The following DCX variants were observed in gnomAD, a reference collection of about 807,000 sequenced individuals.
The protein encoded by DCX is neuronal migration protein doublecortin.
In DCX, 4 loss-of-function variants were observed where a neutral mutation model predicts 20.9. The observed-to-expected ratio is 0.19, with a 90% CI of 0.09 to 0.44. DCX has a LOEUF of 0.44. Among genes scored for constraint, DCX ranks in the 20% least tolerant of loss-of-function variants. The probability of loss-of-function intolerance (pLI) is 0.99; values close to 1 mark genes in which losing one functional copy is unlikely to be tolerated. For missense variants in DCX, 133 were observed against 296.9 expected (o/e 0.45, Z 4.06); for synonymous variants, 103 against 111.4 (o/e 0.92, Z 0.47).
At chrX:111,303,394 T>C (rs2095038386) in intron 6 of DCX, among the ~76,000 whole-genome samples, 1 of 110,123 alleles carries the variant, frequency 9.1e-6, no homozygotes, top group Admixed American at 9.8e-5. Context: ...CAGTAGAAGA[T>C]TGTTCAAGAA....
intron 3 of DCX, among the ~76,000 whole-genome samples, chrX:111,341,565 C>T (rs1922240832): frequency 9.0e-6 from 1 of 110,979 alleles, no homozygotes; most frequent in Admixed American, 9.6e-5. Context: ...CCCCAAGACA[C>T]ATAATCATCA....
At position 111,297,563 on chromosome X, in the gene DCX, C is replaced by CACAT. The variant is rs1447300243; in HGVS notation, c.*4120_*4123dup. 8.9e-6 allele frequency: 1 copy of CACAT among 111,782 alleles called. No individual in the cohort carries two copies. The highest frequency in any genetic ancestry group is 1.9e-5 in the Non-Finnish European group (1 of 53,165). The allele number at this position is 111,782 out of a possible 1,213,427, so 9.2% of individuals were successfully genotyped here. A position where few individuals can be genotyped will look rare whatever the true frequency, so the allele number is the denominator to read the frequency against. ...GTTCCTTGCCTTCTTCAAATAGCTA[C>CACAT]ACATCCACTTTCAGGTTCCTTGGTT... On this transcript the variant is annotated 3_prime_UTR_variant, in exon 7 of 7. Coordinates refer to ENST00000636035, the MANE Select transcript of DCX (RefSeq NM_001195553.2).
chrX:111,338,096 G>T lies in DCX; in HGVS notation c.706-4943C>A, dbSNP rs768343096. Among the ~76,000 whole-genome samples the T allele has an allele frequency of 2.7e-5, 3 of 112,162 alleles. No individual in the cohort carries two copies. The South Asian group carries it at 1.1e-3, about 43-fold the overall frequency. ...TGGCAGAGGTGATTGCAAAACAAAGGTAGGTACCTTTTTCTTAACAGCCCT... is the reference window on the plus strand; with the variant it reads ...TGGCAGAGGTGATTGCAAAACAAAGTTAGGTACCTTTTTCTTAACAGCCCT... On this transcript the variant is annotated intron_variant, in intron 3 of 6. Transcript: ENST00000636035.
Position 111,375,846 on chromosome X carries a change from G to A in DCX, c.705+25144C>T, listed in dbSNP as rs201193513. Among the ~76,000 whole-genome samples, 12 of 112,087 alleles carry A rather than the reference G, an allele frequency of 1.1e-4. No individual in the cohort carries two copies. The East Asian group carries it at 2.8e-3, about 26-fold the overall frequency. ...TTTTCTCCATTGGGAAATGAAATAA[G>A]CAAATGACAGACTACCACAACAATC... is the stretch of plus-strand genomic sequence containing the variant. On this transcript the variant is annotated intron_variant, in intron 3 of 6. Transcript: ENST00000636035.
chrX:111,329,983 A>G (rs1332514259), intron 5 of DCX, among the ~76,000 whole-genome samples: 1 of 112,274 alleles, frequency 8.9e-6, no homozygotes, highest in African/African-American at 3.2e-5. Flanking sequence ...AATTGTGCAT[A>G]AATCTAAGCT....
At position 111,294,887 on chromosome X, in the gene DCX, T is replaced by C. The variant is rs1456163256; in HGVS notation, c.*6800A>G. On this transcript the variant is annotated 3_prime_UTR_variant, in exon 7 of 7. Transcript: ENST00000636035. Reference sequence around the variant, plus strand: ...ACAGGTACTCAATTCTAACTACAGCTATAGGGCAGAAAGGGTGGGCTGTTT... The same window carrying C: ...ACAGGTACTCAATTCTAACTACAGCCATAGGGCAGAAAGGGTGGGCTGTTT... 8.9e-6 allele frequency: 1 copy of C among 112,469 alleles called. No homozygotes were observed. Among genetic ancestry groups the C allele is most frequent in the East Asian group, 2.8e-4 (1 of 3,592 alleles). 9.3% of individuals were successfully genotyped at this position (112,469 alleles called of 1,213,427 possible).
At chrX:111,404,348 T>G (rs1928051228) in intron 2 of DCX, among the ~76,000 whole-genome samples, 1 of 112,226 alleles carries the variant, frequency 8.9e-6, no homozygotes, top group Non-Finnish European at 1.9e-5. Context: ...GGCCTGTGAT[T>G]CAAGGATAAG....
At chrX:111,387,889 A>G (rs1417931056) in intron 3 of DCX, among the ~76,000 whole-genome samples, 1 of 111,440 alleles carries the variant, frequency 9.0e-6, no homozygotes. Flanking sequence ...AATTATTGCC[A>G]GCTGGAGAAG....
At position 111,401,232 on chromosome X, in the gene DCX, T is replaced by C; in HGVS notation, c.463A>G (p.Asn155Asp). 1 of 1,211,839 alleles carries C rather than the reference T, an allele frequency of 8.3e-7. No homozygotes were observed. The highest frequency in any genetic ancestry group is 1.1e-6 in the Non-Finnish European group (1 of 895,502). The change falls in exon 3 of 7, where the codon AAT (asparagine) becomes GAT (aspartate). Residue 155 changes from asparagine (N) to aspartate (D), a missense_variant. Asn to Asp is a conservative substitution (Grantham distance 23, BLOSUM62 1). This residue lies in a region of DCX where 65 missense variants were observed against 212.6 expected (regional missense o/e 0.31). Transcript: ENST00000636035. Reference sequence around the variant, plus strand: ...GCCAAGGACTGGGGGGCTTTCATATTGGCAGATGTTTTTACGTTGACAGAC... The same window carrying C: ...GCCAAGGACTGGGGGGCTTTCATATCGGCAGATGTTTTTACGTTGACAGAC... ...NWSVNVKTSA[N>D]MKAPQSLASS...
At chrX:111,384,156 T>C (rs760300257) in intron 3 of DCX, among the ~76,000 whole-genome samples, 3 of 111,642 alleles carry the variant, frequency 2.7e-5, no homozygotes, top group Non-Finnish European at 3.8e-5. Flanking sequence ...CTTTAGCCTT[T>C]ATACCTTTAT....
intron 3 of DCX, among the ~76,000 whole-genome samples, chrX:111,379,425 G>A (rs1048812028): frequency 1.3e-4 from 14 of 111,339 alleles, no homozygotes; most frequent in Admixed American, 5.7e-4. Context: ...TTGTTTCTAC[G>A]TATTTGTCTA....
chrX:111,401,826 A>G (rs1282036256), intron 2 of DCX, among the ~76,000 whole-genome samples: 1 of 112,606 alleles, frequency 8.9e-6, no homozygotes, highest in Non-Finnish European at 1.9e-5. Context: ...GTTAAAATGA[A>G]CCAAGTAACC....
At chrX:111,379,027 C>T (rs1388478695) in intron 3 of DCX, among the ~76,000 whole-genome samples, 2 of 111,640 alleles carry the variant, frequency 1.8e-5, no homozygotes, top group Non-Finnish European at 1.9e-5. Context: ...TGATCTTGAA[C>T]TTTCTTGTCT....
chrX:111,336,335 A>T (rs1921729471), intron 3 of DCX, among the ~76,000 whole-genome samples: 1 of 112,516 alleles, frequency 8.9e-6, no homozygotes, highest in Admixed American at 9.4e-5. Context: ...AGAAAGGCAA[A>T]GTCCCCTGTG....
chrX:111,341,979 ATAACC>A (rs1922279455), intron 3 of DCX, among the ~76,000 whole-genome samples: 2 of 109,939 alleles, frequency 1.8e-5, no homozygotes, highest in Non-Finnish European at 1.9e-5. Context: ...AGTGTGCAAA[ATAACC>A]AGATAGCATC....
Position 111,333,297 on chromosome X carries a change from A to G in DCX, c.706-144T>C, listed in dbSNP as rs1192959722. The stretch of plus-strand genomic sequence containing the variant: ...TTCTCTTTCTTAAAACACCTACCAC[A>G]TTCATAGTCTGAATCATGACCCCTA... On this transcript the variant is annotated intron_variant, in intron 3 of 6. Coordinates refer to ENST00000636035, the MANE Select transcript of DCX (RefSeq NM_001195553.2). The G allele has an allele frequency of 7.9e-6, 4 of 506,577 alleles. No individual in the cohort carries two copies. In the African/African-American group the frequency reaches 9.4e-5, roughly 12 times the overall value. The allele number at this position is 506,577 out of a possible 1,213,427, so 41.7% of individuals were successfully genotyped here.
chrX:111,350,437 T>G (rs922809880), intron 3 of DCX, among the ~76,000 whole-genome samples: 1 of 112,301 alleles, frequency 8.9e-6, no homozygotes, highest in Admixed American at 9.4e-5. Context: ...CTCTGAACCA[T>G]ATAGTTACCA....
At chrX:111,392,437 C>A (rs933501637) in intron 3 of DCX, among the ~76,000 whole-genome samples, 1 of 111,334 alleles carries the variant, frequency 9.0e-6, no homozygotes, top group Admixed American at 9.5e-5. Flanking sequence ...GTAGTATATC[C>A]ATACAATGGA....
chrX:111,331,378 T>C (rs1188523800), intron 4 of DCX, among the ~76,000 whole-genome samples: 1 of 112,171 alleles, frequency 8.9e-6, no homozygotes, highest in Non-Finnish European at 1.9e-5. Flanking sequence ...ATATAATGTT[T>C]AATTAATTTC....
Sources: allele counts gnomAD v4.1 joint callset (sites outside exome capture counted in the v4.1 genomes callset), GRCh38; gene constraint gnomAD v4.1.1; regional missense constraint gnomAD v4.1.1; transcripts MANE v1.5; gene names NCBI Gene and HGNC (gene_info 2026-07-23, HGNC 2026-07-21).